The following ADCY1 variants were observed in gnomAD, a reference collection of about 807,000 sequenced individuals.
ADCY1 encodes the protein adenylate cyclase 1, also known as adenylate cyclase type 1.
A neutral mutation model predicts 105.4 loss-of-function variants in ADCY1; 28 were observed. The observed-to-expected ratio is 0.27, with a 90% CI of 0.20 to 0.36. The LOEUF (loss-of-function observed/expected upper bound fraction) is 0.36. ADCY1 is among the 10% of genes least tolerant of loss of function. ADCY1 has a pLI of 1.00. For missense variants in ADCY1, 977 were observed against 1,434.2 expected, an observed-to-expected ratio of 0.68 and a Z score of 5.15; for synonymous variants, 655 against 623.8, an observed-to-expected ratio of 1.05 and a Z score of -0.75.
intron 16 of ADCY1, 125 bp from the exon 17 acceptor site, chr7:45,704,393 C>A: frequency 3.9e-6 from 3 of 767,432 alleles, no homozygotes; most frequent in South Asian, 3.4e-5. Context: ...CTGCCCAAAG[C>A]AAAGAAGACA....
Position 45,678,002 on chromosome 7 carries a change from T to C in ADCY1, c.1739T>C (p.Leu580Pro). 6.2e-7 allele frequency: 1 copy of C among 1,614,166 alleles called. No individual in the cohort carries two copies. Among genetic ancestry groups the C allele is most frequent in the Non-Finnish European group, 8.5e-7 (1 of 1,180,036 alleles). ...CTCTTAGAAGCCCGCCAGACAGAGC[T>C]GGAGATGGCAGACCTGAACTTCTTT... ...SRLLEARQTE[L>P]EMADLNFFTL... Residue 580 changes from leucine (L) to proline (P), a missense_variant, in exon 9 of 20, where the codon CTG becomes CCG. Leu to Pro is a moderately conservative substitution (Grantham distance 98). Coordinates refer to ENST00000297323, the MANE Select transcript of ADCY1 (RefSeq NM_021116.4).
chr7:45,628,108 A>G (rs914229297), intron 4 of ADCY1, among the ~76,000 whole-genome samples: 1 of 152,208 alleles, frequency 6.6e-6, no homozygotes, highest in African/African-American at 2.4e-5. Context: ...CTTAGGCCAG[A>G]TCCAGAACCA....
At position 45,686,040 on chromosome 7, in the gene ADCY1, G is replaced by A; in HGVS notation, c.2152G>A (p.Ala718Thr). ...CCTTTCGTCTGGGGGCCAGCGCACAGCCCTGCCCACCCTGCCCTGCGAGTC... is the reference window on the plus strand; with the variant it reads ...CCTTTCGTCTGGGGGCCAGCGCACAACCCTGCCCACCCTGCCCTGCGAGTC... ...VVLSSGGQRT[A>T]LPTLPCESTH... The change falls in exon 13 of 20, where the codon GCC (alanine) becomes ACC (threonine). Residue 718 changes from alanine to threonine, a missense_variant. Transcript: ENST00000297323. This position sits in a 1 kb window ranked among gnomAD's most constrained non-coding sequence, Gnocchi z 4.3. The A allele has an allele frequency of 6.2e-7, 1 of 1,611,890 alleles. No individual in the cohort carries two copies. Among genetic ancestry groups the A allele is most frequent in the Non-Finnish European group, 8.5e-7 (1 of 1,179,304 alleles).
At chr7:45,676,543 C>T (rs1784458835) in intron 8 of ADCY1, among the ~76,000 whole-genome samples, 2 of 152,074 alleles carry the variant, frequency 1.3e-5, no homozygotes, top group African/African-American at 4.8e-5. Context: ...GGGTGGAATT[C>T]CGGGTTTCCC....
Position 45,648,784 on chromosome 7 carries a change from A to G in ADCY1, c.1135A>G (p.Ile379Val). 1 of 1,613,960 alleles carries G rather than the reference A, an allele frequency of 6.2e-7. No homozygotes were observed. Among genetic ancestry groups the G allele is most frequent in the Non-Finnish European group, 8.5e-7 (1 of 1,179,972 alleles). Reference sequence around the variant, plus strand: ...CTGTGTGGAGATGGGACTCGACATGATTGATACCATCACGTAAGTACCCCG... The same window carrying G: ...CTGTGTGGAGATGGGACTCGACATGGTTGATACCATCACGTAAGTACCCCG... The part of the protein sequence containing the change: ...HCCVEMGLDM[I>V]DTITSVAEAT... The change falls in exon 5 of 20, where the codon ATT becomes GTT. Residue 379 changes from isoleucine to valine, a missense_variant. Around this residue, in one of 7 missense-constraint regions of ADCY1, gnomAD observed 196 missense variants for 347.8 expected, o/e 0.56. Transcript: ENST00000297323.
intron 3 of ADCY1, among the ~76,000 whole-genome samples, chr7:45,621,266 A>T (rs566069265): frequency 6.6e-6 from 1 of 152,142 alleles, no homozygotes; most frequent in East Asian, 1.9e-4. Context: ...GGGTTTTTCC[A>T]TGTTGCTCAG....
chr7:45,651,182 T>C (rs537277446), intron 5 of ADCY1, among the ~76,000 whole-genome samples: 1 of 152,172 alleles, frequency 6.6e-6, no homozygotes, highest in Non-Finnish European at 1.5e-5. Flanking sequence ...CTCAGCTTCC[T>C]GGCTCTGGAC....
chr7:45,621,523 G>C (rs1793886760), intron 3 of ADCY1, among the ~76,000 whole-genome samples: 1 of 152,120 alleles, frequency 6.6e-6, no homozygotes, highest in Non-Finnish European at 1.5e-5. Context: ...CTCTTACTAG[G>C]GGCAAGGTAT....
chr7:45,673,645 G>A (rs1211590012), intron 8 of ADCY1, among the ~76,000 whole-genome samples: 1 of 151,830 alleles, frequency 6.6e-6, no homozygotes, highest in East Asian at 1.9e-4. Context: ...ATTTGTTAGT[G>A]TCTTTTCACT....
intron 14 of ADCY1, among the ~76,000 whole-genome samples, chr7:45,697,295 C>T (rs1382319386): frequency 4.0e-5 from 6 of 151,742 alleles, no homozygotes; most frequent in African/African-American, 1.5e-4. Context: ...CGGTGGACCT[C>T]GTGAATCACT....
At chr7:45,612,950 CTG>C (rs1445418266) in intron 3 of ADCY1, among the ~76,000 whole-genome samples, 2 of 152,170 alleles carry the variant, frequency 1.3e-5, no homozygotes, top group African/African-American at 4.8e-5. Flanking sequence ...GCACCAGAAT[CTG>C]TGGCTGATTG....
rs566777091 is a variant in ADCY1, at chr7:45,589,869, C to T, written c.640-2890C>T. ...ATGGCGCTTTTCCTTTCCAGGGCCA[C>T]GGGGGTCTGAAGCTTCCAGTGGGAG... On this transcript the variant is annotated intron_variant, in intron 1 of 19. Coordinates refer to ENST00000297323, the MANE Select transcript of ADCY1 (RefSeq NM_021116.4). Among the ~76,000 whole-genome samples, 67 of 152,178 alleles carry T rather than the reference C, an allele frequency of 4.4e-4. 1 individual carries two copies. The highest frequency in any genetic ancestry group is 1.6e-3 in the African/African-American group (65 of 41,532).
rs1237439914 is a variant in ADCY1 at position 45,647,048 on chromosome 7, C to G, written c.1021-1622C>G. On this transcript the variant is annotated intron_variant, in intron 4 of 19. Coordinates refer to ENST00000297323, the MANE Select transcript of ADCY1 (RefSeq NM_021116.4). The surrounding 1 kb of genome is among the most constrained non-coding windows in gnomAD (Gnocchi z 4.6). ...GAGGGAGGCTCAGTGGTGGAAGGAG[C>G]TGGGCAGAGAGCCAACTGTATGCCC... Among the ~76,000 whole-genome samples, 1 of 152,252 alleles carries G rather than the reference C, an allele frequency of 6.6e-6. No individual in the cohort carries two copies. The highest frequency in any genetic ancestry group is 1.5e-5 in the Non-Finnish European group (1 of 68,036).
At chr7:45,609,252 A>G (rs1027171834) in intron 2 of ADCY1, among the ~76,000 whole-genome samples, 9 of 152,156 alleles carry the variant, frequency 5.9e-5, no homozygotes, top group Non-Finnish European at 1.2e-4. Flanking sequence ...GTCACACAGG[A>G]TGGAGGCCGC....
intron 8 of ADCY1, among the ~76,000 whole-genome samples, chr7:45,666,538 TTGG>T (rs1454911695): frequency 1.3e-5 from 2 of 152,240 alleles, no homozygotes; most frequent in Non-Finnish European, 2.9e-5. Context: ...TGTTGGACAT[TTGG>T]GTTGGTTCCA....
At chr7:45,623,106 G>A (rs1452762356) in intron 4 of ADCY1, among the ~76,000 whole-genome samples, 1 of 152,180 alleles carries the variant, frequency 6.6e-6, no homozygotes, top group African/African-American at 2.4e-5. Flanking sequence ...GCAATCCCTC[G>A]TTCTGGGCTC....
chr7:45,579,242 C>T (rs983409892), intron 1 of ADCY1, among the ~76,000 whole-genome samples: 6 of 152,234 alleles, frequency 3.9e-5, no homozygotes, highest in South Asian at 4.2e-4. Context: ...GGCTGTGTCC[C>T]GTATGCCTTT....
intron 1 of ADCY1, among the ~76,000 whole-genome samples, chr7:45,586,228 C>G (rs531267406): frequency 2.0e-5 from 3 of 152,150 alleles, no homozygotes; most frequent in Admixed American, 6.5e-5. Context: ...GAGGAACAGG[C>G]TGCATGCGGC....
chr7:45,677,314 G>A (rs188006688), intron 8 of ADCY1, among the ~76,000 whole-genome samples: 72 of 152,258 alleles, frequency 4.7e-4, no homozygotes, highest in Middle Eastern at 3.4e-3. Flanking sequence ...TGAGTTCATG[G>A]CAAGTGGTTT....
Sources: allele counts gnomAD v4.1 joint callset (sites outside exome capture counted in the v4.1 genomes callset), GRCh38; gene constraint gnomAD v4.1.1; regional missense constraint gnomAD v4.1.1; non-coding constraint Gnocchi (gnomAD v3.1); transcripts MANE v1.5; gene names NCBI Gene and HGNC (gene_info 2026-07-23, HGNC 2026-07-21).